ZNF133: variants seen among roughly 807,000 people sequenced by gnomAD.
ZNF133 encodes zinc finger protein 133.
ZNF133 carries 26 observed loss-of-function variants against 54.9 expected under a neutral mutation model. That is an observed-to-expected ratio of 0.47 (90% confidence interval 0.35 to 0.66). The LOEUF (loss-of-function observed/expected upper bound fraction) is 0.66, where lower values mean the gene tolerates loss of function less well. Among genes scored for constraint, ZNF133 ranks in the 30% least tolerant of loss-of-function variants. ZNF133 has a pLI of 0.01. For synonymous variants in ZNF133, 298 were observed against 320.3 expected (o/e 0.93, Z 0.74); for missense variants, 653 against 820.8 (o/e 0.80, Z 2.50).
At position 18,316,647 on chromosome 20, in the gene ZNF133, C is replaced by T. The variant is rs1474695891; in HGVS notation, c.1796C>T (p.Thr599Ile). ...QKSHLTLHQM[T>I]HTGEKPYVCK... is the part of the protein sequence containing the mutation. ...TCACACCTCACCTTACATCAAATGA[C>T]ACATACGGGGGAGAAGCCATATGTG... is the stretch of plus-strand genomic sequence containing the variant. The change falls in exon 7 of 7, where the codon ACA becomes ATA. Residue 599 changes from threonine (T) to isoleucine (I), a missense_variant. By Grantham distance (89) the Thr-to-Ile change is moderately conservative (BLOSUM62 -1). Coordinates refer to ENST00000425686, the MANE Select transcript of ZNF133 (RefSeq NM_001352452.2). 17 of 1,614,030 alleles carry T rather than the reference C, an allele frequency of 1.1e-5. No individual in the cohort carries two copies. Among genetic ancestry groups the T allele is most frequent in the Non-Finnish European group, 1.4e-5 (17 of 1,180,000 alleles).
Position 18,311,207 on chromosome 20 carries a change from GCTACT to G in ZNF133, c.218-3861_218-3857del, listed in dbSNP as rs531114267. Among the ~76,000 whole-genome samples the G allele has an allele frequency of 1.6e-3, 238 of 152,274 alleles. 1 individual carries two copies. Among genetic ancestry groups the G allele is most frequent in the African/African-American group, 5.6e-3 (234 of 41,538 alleles). On this transcript the variant is annotated intron_variant, in intron 6 of 6. Transcript: ENST00000425686. Reference sequence around the variant, plus strand: ...GAGGTGTTGTGTGCCTGTAGTCCCAGCTACTTAGGAAGCTGAGGAGGGAGGATTGC... The same window carrying G: ...GAGGTGTTGTGTGCCTGTAGTCCCAGTAGGAAGCTGAGGAGGGAGGATTGC...
intron 6 of ZNF133, chr20:18,313,499 GT>G (rs2046593645): frequency 6.6e-6 from 1 of 152,240 alleles, no homozygotes; most frequent in Admixed American, 6.5e-5. Context: ...AGACACAGGA[GT>G]TCCTTTTACT....
At position 18,297,981 on chromosome 20, in the gene ZNF133, C is replaced by T. The variant is rs566916749; in HGVS notation, c.-431-4C>T. 6.5e-7 allele frequency: 1 copy of T among 1,526,750 alleles called. No homozygotes were observed. 94.6% of individuals were successfully genotyped at this position (1,526,750 alleles called of 1,614,324 possible). ...ACCCTCCCATTTCTGTTTTCCTTAC[C>T]CAGATCTACCTTCTGAGATATCATC... is the stretch of plus-strand genomic sequence containing the variant. On this transcript the variant is annotated splice_region_variant and splice_polypyrimidine_tract_variant and intron_variant, in intron 1 of 6. Coordinates refer to ENST00000425686, the MANE Select transcript of ZNF133 (RefSeq NM_001352452.2).
chr20:18,296,468 A>G (rs534475042), intron 1 of ZNF133, among the ~76,000 whole-genome samples: 10 of 152,122 alleles, frequency 6.6e-5, no homozygotes, highest in South Asian at 2.1e-4. Flanking sequence ...CCTTACCCCA[A>G]CCACCTCTCC....
chr20:18,310,038 T>A lies in ZNF133; in HGVS notation c.217+3645T>A, dbSNP rs551472029. On this transcript the variant is annotated intron_variant, in intron 6 of 6. Coordinates refer to ENST00000425686, the MANE Select transcript of ZNF133 (RefSeq NM_001352452.2). ...TGACCTTTGTACATTTACACAAATA[T>A]GTGTTTTCTCAACCTGAAAAGTATA... The A allele has an allele frequency of 4.8e-5, 43 of 894,458 alleles. No individual in the cohort carries two copies. In the East Asian group the frequency reaches 1.8e-3, roughly 38 times the overall value. The allele number at this position is 894,458 out of a possible 1,614,324, so 55.4% of individuals were successfully genotyped here.
intron 3 of ZNF133, among the ~76,000 whole-genome samples, chr20:18,301,175 T>A (rs1259213287): frequency 6.6e-6 from 1 of 152,136 alleles, no homozygotes; most frequent in Non-Finnish European, 1.5e-5. Flanking sequence ...AACATACTCT[T>A]AAACCAGTAG....
Position 18,315,724 on chromosome 20 carries a change from A to G in ZNF133, c.873A>G (p.Thr291=), listed in dbSNP as rs747545732. Residue 291 remains threonine, a synonymous_variant, in exon 7 of 7, where the codon ACA becomes ACG. Coordinates refer to ENST00000425686, the MANE Select transcript of ZNF133 (RefSeq NM_001352452.2). The part of the protein sequence containing the change: ...RKSTLIIHER[T]HSGEKPYMCS... ...CAACGCTAATCATACACGAACGGACACACTCCGGTGAGAAACCTTACATGT... is the reference window on the plus strand; with the variant it reads ...CAACGCTAATCATACACGAACGGACGCACTCCGGTGAGAAACCTTACATGT... 1 of 1,614,028 alleles carries G rather than the reference A, an allele frequency of 6.2e-7. No individual in the cohort carries two copies. The highest frequency in any genetic ancestry group is 8.5e-7 in the Non-Finnish European group (1 of 1,179,934).
chr20:18,306,451 G>A (rs145828097), intron 6 of ZNF133, 58 bp downstream of exon 6: 5 of 1,546,610 alleles, frequency 3.2e-6, no homozygotes, highest in Admixed American at 1.8e-5. Context: ...GAGGACTGGG[G>A]GAGAGGAGGC....
intron 6 of ZNF133, among the ~76,000 whole-genome samples, chr20:18,311,462 T>C (rs571756880): frequency 6.6e-6 from 1 of 152,264 alleles, no homozygotes; most frequent in Non-Finnish European, 1.5e-5. Context: ...TATAATTCTT[T>C]TTTAGTTACC....
At chr20:18,307,138 G>T (rs2044821781) in intron 6 of ZNF133, among the ~76,000 whole-genome samples, 1 of 151,898 alleles carries the variant, frequency 6.6e-6, no homozygotes, top group Non-Finnish European at 1.5e-5. Flanking sequence ...TGTTTTAAAT[G>T]TTCATCTGGA....
chr20:18,305,172 T>G lies in ZNF133; in HGVS notation c.-13T>G. On this transcript the variant is annotated 5_prime_UTR_variant, in exon 4 of 7. In the 5' UTR this introduces an upstream ATG that the reference lacks. Coordinates refer to ENST00000425686, the MANE Select transcript of ZNF133 (RefSeq NM_001352452.2). The surrounding 1 kb of genome is among the most constrained non-coding windows in gnomAD (Gnocchi z 4.7). ...AAGTTTAATGAACTGTTTTCTACAT[T>G]TCACAGGTAAGAAAACTGGGATACT... The G allele has an allele frequency of 1.0e-6, 1 of 988,946 alleles. No homozygotes were observed. The highest frequency in any genetic ancestry group is 1.7e-5 in the African/African-American group (1 of 57,332). The allele number at this position is 988,946 out of a possible 1,614,324, so 61.3% of individuals were successfully genotyped here. A position where few individuals can be genotyped will look rare whatever the true frequency, so the allele number is the denominator to read the frequency against.
intron 6 of ZNF133, chr20:18,314,441 G>A (rs2046934266): frequency 6.6e-6 from 1 of 152,206 alleles, no homozygotes; most frequent in African/African-American, 2.4e-5. Context: ...TAAAGTCATT[G>A]GGGACCTGGG....
intron 1 of ZNF133, among the ~76,000 whole-genome samples, chr20:18,289,660 C>A (rs2040472637): frequency 6.6e-6 from 1 of 152,188 alleles, no homozygotes; most frequent in African/African-American, 2.4e-5. Context: ...ATAATAGCAT[C>A]TATCGTATTG....
At chr20:18,314,439 T>C (rs1041944924) in intron 6 of ZNF133, 1 of 152,226 alleles carries the variant, frequency 6.6e-6, no homozygotes, top group African/African-American at 2.4e-5. Context: ...TTTAAAGTCA[T>C]TGGGGACCTG....
At chr20:18,295,103 A>T (rs1268603589) in intron 1 of ZNF133, 1 of 152,164 alleles carries the variant, frequency 6.6e-6, no homozygotes, top group African/African-American at 2.4e-5. Flanking sequence ...TTTGAGAGTT[A>T]TTCACTTCAT....
At chr20:18,297,403 A>G (rs1205447606) in intron 1 of ZNF133, among the ~76,000 whole-genome samples, 1 of 151,450 alleles carries the variant, frequency 6.6e-6, no homozygotes, top group African/African-American at 2.4e-5. Flanking sequence ...TTCTATTCTT[A>G]GTTTTTGAAT....
intron 6 of ZNF133, chr20:18,314,283 T>C (rs917746767): frequency 1.3e-5 from 2 of 152,318 alleles, no homozygotes; most frequent in Admixed American, 1.3e-4. Context: ...CTAGACCCAG[T>C]TGTGATAAAA....
intron 3 of ZNF133, among the ~76,000 whole-genome samples, chr20:18,303,945 A>G (rs1474204758): frequency 6.6e-6 from 1 of 152,232 alleles, no homozygotes. Flanking sequence ...GTGAACTTGG[A>G]CTTCATCAAA....
intron 3 of ZNF133, among the ~76,000 whole-genome samples, chr20:18,299,753 A>G (rs1036338458): frequency 6.6e-6 from 1 of 152,346 alleles, no homozygotes; most frequent in East Asian, 1.9e-4. Context: ...TTTCTTACGA[A>G]AAACCTCTCG....
Sources: allele counts gnomAD v4.1 joint callset (sites outside exome capture counted in the v4.1 genomes callset), GRCh38; gene constraint gnomAD v4.1.1; non-coding constraint Gnocchi (gnomAD v3.1); transcripts MANE v1.5; gene names NCBI Gene and HGNC (gene_info 2026-07-23, HGNC 2026-07-21).